CORIN: variants seen among roughly 807,000 people sequenced by gnomAD.
The protein encoded by CORIN is atrial natriuretic peptide-converting enzyme.
Under a neutral mutation model 125.3 loss-of-function variants are expected in CORIN, and 117 were observed. That is an observed-to-expected ratio of 0.93 (90% CI 0.80 to 1.09). The LOEUF (loss-of-function observed/expected upper bound fraction) is 1.09, where lower values mean the gene tolerates loss of function less well. CORIN is among the 50% of genes least tolerant of loss of function. The pLI, the probability that CORIN is intolerant of heterozygous loss-of-function variation, is 0.00. For missense variants in CORIN, 1,253 were observed against 1,306.7 expected, an observed-to-expected ratio of 0.96 and a Z score of 0.63; for synonymous variants, 450 against 466.4, an observed-to-expected ratio of 0.96 and a Z score of 0.45.
At chr4:47,727,487 T>G (rs2109807681) in intron 5 of CORIN, among the ~76,000 whole-genome samples, 1 of 152,246 alleles carries the variant, frequency 6.6e-6, no homozygotes, top group South Asian at 2.1e-4. Context: ...TTTTGATAAA[T>G]TAATCAGAAA....
chr4:47,687,192 G>A (rs181915316), intron 6 of CORIN, among the ~76,000 whole-genome samples: 4 of 152,272 alleles, frequency 2.6e-5, no homozygotes, highest in Non-Finnish European at 5.9e-5. Context: ...CTTCCCTAAG[G>A]TCTGTGTGAT....
chr4:47,622,995 C>A (rs1722383014), intron 19 of CORIN, among the ~76,000 whole-genome samples: 1 of 151,590 alleles, frequency 6.6e-6, no homozygotes, highest in Admixed American at 6.6e-5. Flanking sequence ...CCTTGTTCAG[C>A]ACACAGAAGA....
Position 47,600,363 on chromosome 4 carries a change from A to C in CORIN, c.2813-16T>G, listed in dbSNP as rs185766632. 6.3e-6 allele frequency: 10 copies of C among 1,587,654 alleles called. No individual in the cohort carries two copies. Among genetic ancestry groups the C allele is most frequent in the Non-Finnish European group, 8.6e-6 (10 of 1,163,342 alleles). On this transcript the variant is annotated splice_polypyrimidine_tract_variant and intron_variant, in intron 20 of 21. Transcript: ENST00000273857. ...TTAAATGGCACTGAATTTTTAAAAA[A>C]TAAGAATATATATATGATGATAAAA...
intron 1 of CORIN, among the ~76,000 whole-genome samples, chr4:47,817,137 A>G (rs548592451): frequency 6.6e-6 from 1 of 152,196 alleles, no homozygotes; most frequent in East Asian, 1.9e-4. Context: ...AAAAATAATA[A>G]TCATTATGTC....
intron 4 of CORIN, among the ~76,000 whole-genome samples, chr4:47,758,283 A>C (rs887169494): frequency 6.6e-6 from 1 of 152,120 alleles, no homozygotes; most frequent in African/African-American, 2.4e-5. Flanking sequence ...TAAACAAGGA[A>C]GTGAAAGATC....
intron 17 of CORIN, among the ~76,000 whole-genome samples, chr4:47,624,827 T>G (rs1424083199): frequency 6.6e-6 from 1 of 151,974 alleles, no homozygotes. Flanking sequence ...AAATCCATAT[T>G]GGGACTTTCA....
At chr4:47,601,639 A>G (rs1721452146) in intron 20 of CORIN, among the ~76,000 whole-genome samples, 1 of 151,992 alleles carries the variant, frequency 6.6e-6, no homozygotes, top group African/African-American at 2.4e-5. Flanking sequence ...TTCAATATGG[A>G]TATTGTAGGA....
chr4:47,683,991 A>T (rs1725403839), intron 6 of CORIN, among the ~76,000 whole-genome samples, 153 bp from the exon 7 acceptor site: 1 of 152,238 alleles, frequency 6.6e-6, no homozygotes, highest in Admixed American at 6.5e-5. Context: ...GCACACAGAG[A>T]TACAACGACC....
intron 5 of CORIN, among the ~76,000 whole-genome samples, chr4:47,695,793 T>A (rs566430304): frequency 2.6e-5 from 4 of 152,382 alleles, no homozygotes; most frequent in African/African-American, 9.6e-5. Context: ...TGTATAAAAC[T>A]GTTCAATTAT....
chr4:47,597,842 A>G (rs1354119636), intron 21 of CORIN, among the ~76,000 whole-genome samples: 2 of 152,204 alleles, frequency 1.3e-5, no homozygotes, highest in Non-Finnish European at 2.9e-5. Flanking sequence ...ACAAACGAAT[A>G]AGGCACTGTT....
chr4:47,832,440 C>CTTTTTTTTTTTTTTTTTTT (rs201022597), intron 1 of CORIN, among the ~76,000 whole-genome samples: 1 of 129,336 alleles, frequency 7.7e-6, no homozygotes. Context: ...TCTTTCTTTT[C>CTTTTTTTTTTTTTTTTTTT]TTTTCTTTTT....
At chr4:47,605,668 C>T (rs145253413) in intron 19 of CORIN, among the ~76,000 whole-genome samples, 5 of 152,166 alleles carry the variant, frequency 3.3e-5, no homozygotes, top group Admixed American at 1.3e-4. Context: ...GTTTTTCAAC[C>T]CAGGCTGAAC....
intron 11 of CORIN, 146 bp from the exon 12 acceptor site, chr4:47,662,002 G>A: frequency 1.3e-6 from 1 of 749,166 alleles, no homozygotes; most frequent in Non-Finnish European, 2.0e-6. Flanking sequence ...TATATGATAG[G>A]TATTTGGGAA....
intron 21 of CORIN, among the ~76,000 whole-genome samples, chr4:47,596,128 G>A (rs189515365): frequency 2.0e-5 from 3 of 152,100 alleles, no homozygotes; most frequent in African/African-American, 7.2e-5. Flanking sequence ...GAGTGGCTTG[G>A]GAAGAAATTA....
chr4:47,626,563 G>C, intron 16 of CORIN, 42 bp from the exon 17 acceptor site: 9 of 1,227,640 alleles, frequency 7.3e-6, no homozygotes, highest in Non-Finnish European at 9.7e-6. Flanking sequence ...AAAGTACAAT[G>C]ATCTTTGAAC....
intron 1 of CORIN, among the ~76,000 whole-genome samples, chr4:47,816,591 C>A (rs1732278816): frequency 6.6e-6 from 1 of 152,080 alleles, no homozygotes; most frequent in Non-Finnish European, 1.5e-5. Flanking sequence ...GTAAAAAGTA[C>A]AACAACAAAT....
intron 5 of CORIN, among the ~76,000 whole-genome samples, chr4:47,725,125 A>G (rs1170597246): frequency 1.3e-5 from 2 of 152,200 alleles, no homozygotes; most frequent in East Asian, 3.8e-4. Flanking sequence ...AAGAATCAAG[A>G]AAGACCTAAA....
Position 47,761,182 on chromosome 4 carries a change from A to G in CORIN, c.617+2197T>C, listed in dbSNP as rs529646761. 3.9e-5 allele frequency among the ~76,000 whole-genome samples: 6 copies of G among 152,298 alleles called. No individual in the cohort carries two copies. The South Asian group carries it at 1.2e-3, about 32-fold the overall frequency. ...TAAGAACTTTTGCTTTGCATTCACAATTGGCTAACTGTTGGGTGCAAGAGG... is the reference window on the plus strand; with the variant it reads ...TAAGAACTTTTGCTTTGCATTCACAGTTGGCTAACTGTTGGGTGCAAGAGG... On this transcript the variant is annotated intron_variant, in intron 4 of 21. Transcript: ENST00000273857.
intron 16 of CORIN, among the ~76,000 whole-genome samples, chr4:47,627,140 G>A (rs934467589): frequency 2.6e-5 from 4 of 151,914 alleles, no homozygotes; most frequent in South Asian, 2.1e-4. Flanking sequence ...ATGCAATCAC[G>A]CCCAGCTAAT....
Sources: gnomAD v4.1 joint callset for allele counts (sites outside exome capture counted in the v4.1 genomes callset) on GRCh38, gnomAD v4.1.1 for gene constraint, MANE v1.5 for transcripts, NCBI Gene and HGNC (gene_info 2026-07-23, HGNC 2026-07-21) for gene names.